DCUN1D4: variants seen among roughly 807,000 people sequenced by gnomAD.
DCUN1D4 encodes DCN1-like protein 4.
A neutral mutation model predicts 47.9 loss-of-function variants in DCUN1D4; 22 were observed. The observed-to-expected ratio is 0.46, with a 90% CI of 0.33 to 0.66. The LOEUF is 0.66. DCUN1D4 is among the 30% of genes least tolerant of loss of function. DCUN1D4 has a pLI of 0.02. For synonymous variants in DCUN1D4, 121 were observed against 112.2 expected (o/e 1.08, Z -0.50); for missense variants, 301 against 340.8 (o/e 0.88, Z 0.92).
chr4:51,863,651 A>T lies in DCUN1D4; in HGVS notation c.97-19A>T. On this transcript the variant is annotated intron_variant, in intron 2 of 10. Transcript: ENST00000334635. ...AACGGTATGTGATTTCTTCGTAATA[A>T]CGAACATATTTCTTTCAGAACCTAA... is the stretch of plus-strand genomic sequence containing the variant. 1 of 1,612,202 alleles carries T rather than the reference A, an allele frequency of 6.2e-7. No homozygotes were observed. The highest frequency in any genetic ancestry group is 8.5e-7 in the Non-Finnish European group (1 of 1,179,474).
chr4:51,906,451 G>A (rs184156862), intron 8 of DCUN1D4, among the ~76,000 whole-genome samples: 6 of 152,244 alleles, frequency 3.9e-5, no homozygotes, highest in Admixed American at 2.0e-4. Context: ...GCAATCATTT[G>A]GATTCACTTC....
chr4:51,850,766 T>G, intron 1 of DCUN1D4, among the ~76,000 whole-genome samples: 1 of 149,976 alleles, frequency 6.7e-6, no homozygotes, highest in African/African-American at 2.5e-5. Context: ...GGGCGTGGGG[T>G]GGGGTGGAGG....
intron 3 of DCUN1D4, among the ~76,000 whole-genome samples, 172 bp from the exon 4 acceptor site, chr4:51,874,099 C>T (rs1727306206): frequency 6.6e-6 from 1 of 152,116 alleles, no homozygotes; most frequent in African/African-American, 2.4e-5. Flanking sequence ...AGGTTTATTT[C>T]TTGACCATAA....
intron 9 of DCUN1D4, among the ~76,000 whole-genome samples, chr4:51,912,744 A>G (rs1372898486): frequency 2.6e-5 from 4 of 152,212 alleles, no homozygotes; most frequent in African/African-American, 9.6e-5. Flanking sequence ...TTCTGTGACA[A>G]GAACACCTAA....
upstream of DCUN1D4, among the ~76,000 whole-genome samples, chr4:51,839,583 T>C (rs537911513): frequency 2.6e-5 from 4 of 152,346 alleles, no homozygotes; most frequent in Admixed American, 2.6e-4. Flanking sequence ...GGATAAATTC[T>C]CCTTTCGGAG....
chr4:51,908,219 G>C (rs757366437), intron 8 of DCUN1D4, among the ~76,000 whole-genome samples: 1 of 152,162 alleles, frequency 6.6e-6, no homozygotes, highest in Non-Finnish European at 1.5e-5. Flanking sequence ...TATATCTTTC[G>C]TGTATAGAGC....
chr4:51,844,150 A>G, intron 1 of DCUN1D4, among the ~76,000 whole-genome samples: 4 of 112,956 alleles, frequency 3.5e-5, no homozygotes, highest in Admixed American at 9.0e-5. Flanking sequence ...GTCGGGGAGG[A>G]AGGGGAGGTG....
chr4:51,849,391 C>T (rs748733417), intron 1 of DCUN1D4, among the ~76,000 whole-genome samples: 3 of 152,200 alleles, frequency 2.0e-5, no homozygotes, highest in African/African-American at 4.8e-5. Context: ...GTCTAATAGC[C>T]GCCTCCCCTT....
chr4:51,834,114 C>CTTTTTTTTTTTTTTTTTTTTTTTTT, the DCUN1D4 span, among the ~76,000 whole-genome samples: 11 of 37,204 alleles, frequency 3.0e-4, 2 homozygotes, highest in African/African-American at 8.5e-4. Context: ...TTTTTTTTTT[C>CTTTTTTTTTTTTTTTTTTTTTTTTT]TTTTTTTTTT....
chr4:51,902,832 A>C (rs776644587), intron 8 of DCUN1D4, among the ~76,000 whole-genome samples: 6 of 151,648 alleles, frequency 4.0e-5, no homozygotes, highest in Admixed American at 6.6e-5. Context: ...TTCTTTTTGG[A>C]TATTTTCACT....
chr4:51,834,114 C>CTTTTTTTTTTTTTTTTTTTTTTTTTT, the DCUN1D4 span, among the ~76,000 whole-genome samples: 5 of 37,204 alleles, frequency 1.3e-4, no homozygotes, highest in African/African-American at 5.3e-4. Context: ...TTTTTTTTTT[C>CTTTTTTTTTTTTTTTTTTTTTTTTTT]TTTTTTTTTT....
At chr4:51,896,587 C>T (rs993666693) in intron 7 of DCUN1D4, among the ~76,000 whole-genome samples, 7 of 152,072 alleles carry the variant, frequency 4.6e-5, no homozygotes, top group Admixed American at 6.5e-5. Flanking sequence ...TTATTATATA[C>T]ACACCATTAA....
At chr4:51,870,674 G>A (rs750996130) in intron 3 of DCUN1D4, among the ~76,000 whole-genome samples, 1 of 152,120 alleles carries the variant, frequency 6.6e-6, no homozygotes, top group African/African-American at 2.4e-5. Context: ...ACAGGACCCC[G>A]CAAAGCAGTA....
chr4:51,899,982 G>T (rs1731853602), intron 8 of DCUN1D4, among the ~76,000 whole-genome samples: 4 of 152,132 alleles, frequency 2.6e-5, no homozygotes, highest in Admixed American at 2.6e-4. Flanking sequence ...CATACATAGA[G>T]AATTTTGAAG....
At chr4:51,852,725 G>C (rs1299667904) in intron 1 of DCUN1D4, among the ~76,000 whole-genome samples, 1 of 152,144 alleles carries the variant, frequency 6.6e-6, no homozygotes, top group Admixed American at 6.5e-5. Flanking sequence ...TGCTTGACAT[G>C]CACCATCTCA....
chr4:51,841,585 C>A (rs1721655423), upstream of DCUN1D4, among the ~76,000 whole-genome samples: 1 of 151,856 alleles, frequency 6.6e-6, no homozygotes, highest in Non-Finnish European at 1.5e-5. Context: ...TTCTGAGATT[C>A]CATAAAGTGA....
chr4:51,893,299 T>A (rs1341546416), intron 7 of DCUN1D4, among the ~76,000 whole-genome samples: 1 of 152,232 alleles, frequency 6.6e-6, no homozygotes, highest in Non-Finnish European at 1.5e-5. Flanking sequence ...AGAGTTAAAT[T>A]CTCTGAAATC....
chr4:51,886,686 A>G, intron 6 of DCUN1D4, 48 bp downstream of exon 6: 1 of 1,445,680 alleles, frequency 6.9e-7, no homozygotes, highest in Non-Finnish European at 9.7e-7. Context: ...TGTTTTTCAT[A>G]CTTAAATCTT....
At chr4:51,907,181 A>AAAAT (rs1733023765) in intron 8 of DCUN1D4, among the ~76,000 whole-genome samples, 1 of 152,208 alleles carries the variant, frequency 6.6e-6, no homozygotes, top group Non-Finnish European at 1.5e-5. Context: ...TGTACCAAAT[A>AAAAT]AAATAATAAA....
Sources: gnomAD v4.1 joint callset for allele counts (sites outside exome capture counted in the v4.1 genomes callset) on GRCh38, gnomAD v4.1.1 for gene constraint, MANE v1.5 for transcripts, NCBI Gene and HGNC (gene_info 2026-07-23, HGNC 2026-07-21) for gene names.